The following PLCE1 variants were observed in gnomAD, a reference collection of about 807,000 sequenced individuals.
The protein encoded by PLCE1 is 1-phosphatidylinositol 4,5-bisphosphate phosphodiesterase epsilon-1.
Under a neutral mutation model 242.8 loss-of-function variants are expected in PLCE1, and 119 were observed. The observed-to-expected ratio is 0.49, with a 90% CI of 0.42 to 0.57. The LOEUF (loss-of-function observed/expected upper bound fraction) is 0.57, where lower values mean the gene tolerates loss of function less well. PLCE1 is among the 20% of genes least tolerant of loss of function. The probability of loss-of-function intolerance (pLI) is 0.00; values close to 1 mark genes in which losing one functional copy is unlikely to be tolerated. For synonymous variants in PLCE1, 945 were observed against 1,017.4 expected, an observed-to-expected ratio of 0.93 and a Z score of 1.35; for missense variants, 2,441 against 2,788.8, an observed-to-expected ratio of 0.88 and a Z score of 2.81.
intron 8 of PLCE1, among the ~76,000 whole-genome samples, chr10:94,250,608 G>T (rs937290945): frequency 6.6e-6 from 1 of 152,266 alleles, no homozygotes; most frequent in Middle Eastern, 3.4e-3. Flanking sequence ...TTCCCAGAAA[G>T]CTTCCTTTAA....
intron 2 of PLCE1, among the ~76,000 whole-genome samples, chr10:94,097,836 A>G (rs915517125): frequency 6.6e-6 from 1 of 152,156 alleles, no homozygotes; most frequent in African/African-American, 2.4e-5. Context: ...GTCAGAATGG[A>G]GAGGAAATGT....
At chr10:94,237,899 T>G (rs1054167045) in intron 7 of PLCE1, among the ~76,000 whole-genome samples, 1 of 152,178 alleles carries the variant, frequency 6.6e-6, no homozygotes, top group Non-Finnish European at 1.5e-5. Context: ...GCTTTGTTGA[T>G]CTGGCTGAAA....
At chr10:94,161,629 T>G (rs2047616660) in intron 3 of PLCE1, among the ~76,000 whole-genome samples, 1 of 152,208 alleles carries the variant, frequency 6.6e-6, no homozygotes, top group Non-Finnish European at 1.5e-5. Context: ...CTTCTTTTCC[T>G]AACTGAATAC....
chr10:94,258,756 A>G (rs764448818), intron 11 of PLCE1, 44 bp from the exon 12 acceptor site: 5 of 1,613,796 alleles, frequency 3.1e-6, no homozygotes, highest in South Asian at 1.1e-5. Flanking sequence ...GAATCACAAC[A>G]GTGGCCTGCC....
intron 4 of PLCE1, among the ~76,000 whole-genome samples, chr10:94,193,015 G>A (rs58573736): frequency 0.23 from 35,720 of 152,162 alleles, 4,543 homozygotes; most frequent in African/African-American, 0.33. Flanking sequence ...GCTCATTTAT[G>A]TGTTGGCTAC....
At chr10:94,285,459 T>C (rs2052405765) in intron 22 of PLCE1, among the ~76,000 whole-genome samples, 1 of 152,054 alleles carries the variant, frequency 6.6e-6, no homozygotes, top group Admixed American at 6.5e-5. Context: ...TATTGACTCA[T>C]GTGCTTAAAA....
chr10:94,019,277 G>A (rs561591503), intron 1 of PLCE1, among the ~76,000 whole-genome samples: 6 of 152,318 alleles, frequency 3.9e-5, no homozygotes. Context: ...GTTGTTTGCT[G>A]CTCAGAGGTG....
chr10:94,266,309 A>G (rs753135797), intron 16 of PLCE1, among the ~76,000 whole-genome samples: 3 of 152,218 alleles, frequency 2.0e-5, no homozygotes, highest in East Asian at 1.9e-4. Context: ...TAACTGCTAA[A>G]TAATATATTG....
At chr10:94,095,475 G>C (rs2045272761) in intron 2 of PLCE1, among the ~76,000 whole-genome samples, 1 of 152,126 alleles carries the variant, frequency 6.6e-6, no homozygotes. Context: ...TCTCACCTCA[G>C]CCTCCTGAGT....
At chr10:94,267,630 C>T (rs1258745791) in intron 16 of PLCE1, among the ~76,000 whole-genome samples, 2 of 152,120 alleles carry the variant, frequency 1.3e-5, no homozygotes, top group Non-Finnish European at 2.9e-5. Flanking sequence ...TTGGTGAAGA[C>T]CTTTAGTCCT....
At chr10:94,166,579 GGTGTGTGT>G (rs56088035) in intron 3 of PLCE1, among the ~76,000 whole-genome samples, 6 of 145,850 alleles carry the variant, frequency 4.1e-5, no homozygotes, top group Non-Finnish European at 6.0e-5. Context: ...AGAGAAAAAA[GGTGTGTGT>G]GTGTGTGTGT....
rs1303454379 is a variant in PLCE1, at chr10:94,329,104, T to C, written c.*1161T>C. ...AAGACAAACTTCTAAAAAGAAAATA[T>C]ATGCTCTGAACATCTGAAATGGGCT... On this transcript the variant is annotated 3_prime_UTR_variant, in exon 33 of 33. Coordinates refer to ENST00000371380, the MANE Select transcript of PLCE1 (RefSeq NM_016341.4). The C allele has an allele frequency of 6.6e-6, 1 of 152,210 alleles. No homozygotes were observed. The highest frequency in any genetic ancestry group is 1.5e-5 in the Non-Finnish European group (1 of 68,024). 9.4% of individuals were successfully genotyped at this position (152,210 alleles called of 1,614,324 possible). A position where few individuals can be genotyped will look rare whatever the true frequency, so the allele number is the denominator to read the frequency against.
chr10:94,220,419 T>TATATAC lies in PLCE1; in HGVS notation c.1810-6887_1810-6886insATATAC, dbSNP rs1554887053. On this transcript the variant is annotated intron_variant, in intron 4 of 32. Coordinates refer to ENST00000371380, the MANE Select transcript of PLCE1 (RefSeq NM_016341.4). Reference sequence around the variant, plus strand: ...ATATATATATATATATATATATATATGATTGGGCTATTGTAATAGAAACAT... The same window carrying TATATAC: ...ATATATATATATATATATATATATATATATACGATTGGGCTATTGTAATAGAAACAT... 4.0e-5 allele frequency among the ~76,000 whole-genome samples: 5 copies of TATATAC among 124,060 alleles called. No homozygotes were observed. In the East Asian group the frequency reaches 1.2e-3, roughly 30 times the overall value. 81.4% of individuals were successfully genotyped at this position (124,060 alleles called of 152,430 possible). A position where few individuals can be genotyped will look rare whatever the true frequency, so the allele number is the denominator to read the frequency against.
At chr10:94,037,289 T>C (rs907654945) in intron 2 of PLCE1, among the ~76,000 whole-genome samples, 2 of 152,200 alleles carry the variant, frequency 1.3e-5, no homozygotes, top group Non-Finnish European at 2.9e-5. Context: ...AGAGATAATG[T>C]CTGTTGTGTG....
At chr10:94,127,174 T>G (rs902699908) in intron 2 of PLCE1, among the ~76,000 whole-genome samples, 1 of 152,250 alleles carries the variant, frequency 6.6e-6, no homozygotes, top group Non-Finnish European at 1.5e-5. Flanking sequence ...AGTTAACATC[T>G]GCTGTGTAGC....
At chr10:94,133,914 CT>C (rs2046685960) in intron 3 of PLCE1, among the ~76,000 whole-genome samples, 1 of 152,086 alleles carries the variant, frequency 6.6e-6, no homozygotes, top group African/African-American at 2.4e-5. Context: ...GGTTTCTCCC[CT>C]CTGATGTGGC....
rs2054069302 is a variant in PLCE1, at chr10:94,327,482, G to A, written c.*25-486G>A. Among the ~76,000 whole-genome samples, 3 of 152,198 alleles carry A rather than the reference G, an allele frequency of 2.0e-5. No individual in the cohort carries two copies. The South Asian group carries it at 6.2e-4, about 32-fold the overall frequency. ...CCCAGCTACTCAGGAGGCTGAGGCAGGAGAATTGCTTGAACTTTGGAGGCA... is the reference window on the plus strand; with the variant it reads ...CCCAGCTACTCAGGAGGCTGAGGCAAGAGAATTGCTTGAACTTTGGAGGCA... On this transcript the variant is annotated intron_variant, in intron 32 of 32. Transcript: ENST00000371380.
rs771764501 is a variant in PLCE1 at position 94,316,668 on chromosome 10, G to A, written c.6254G>A (p.Gly2085Asp). ...CRKQPFQRAIGPEEEIMQILS... is the reference protein window; with the variant it reads ...CRKQPFQRAIDPEEEIMQILS... Reference sequence around the variant, plus strand: ...AAACAACCATTCCAGAGAGCCATTGGTCCAGAAGAGGAGATCATGCAAATT... The same window carrying A: ...AAACAACCATTCCAGAGAGCCATTGATCCAGAAGAGGAGATCATGCAAATT... Residue 2085 changes from glycine (G) to aspartate (D), a missense_variant, in exon 29 of 33, where the codon GGT becomes GAT. By Grantham distance (94) the Gly-to-Asp change is moderately conservative. Around this residue, in one of 5 missense-constraint regions of PLCE1, gnomAD observed 310 missense variants for 317.2 expected, o/e 0.98. Transcript: ENST00000371380. The A allele has an allele frequency of 2.5e-6, 4 of 1,613,674 alleles. No homozygotes were observed. The South Asian group carries it at 4.4e-5, about 18-fold the overall frequency.
At chr10:94,292,123 A>G (rs533039123) in intron 22 of PLCE1, among the ~76,000 whole-genome samples, 2 of 152,352 alleles carry the variant, frequency 1.3e-5, no homozygotes, top group South Asian at 4.1e-4. Flanking sequence ...AAATATTAAG[A>G]TCAAGGTATG....
Sources: allele counts gnomAD v4.1 joint callset (sites outside exome capture counted in the v4.1 genomes callset), GRCh38; gene constraint gnomAD v4.1.1; regional missense constraint gnomAD v4.1.1; transcripts MANE v1.5; gene names NCBI Gene and HGNC (gene_info 2026-07-23, HGNC 2026-07-21).